The following TNRC18 variants were observed in gnomAD, a reference collection of about 807,000 sequenced individuals.
The protein encoded by TNRC18 is trinucleotide repeat-containing gene 18 protein.
In TNRC18, 69 loss-of-function variants were observed where a neutral mutation model predicts 226.7. That is an observed-to-expected ratio of 0.30 (90% confidence interval 0.25 to 0.37). The LOEUF is 0.37. TNRC18 is among the 10% of genes least tolerant of loss of function. TNRC18 has a pLI of 1.00. For missense variants in TNRC18, 4,754 were observed against 4,256.6 expected (o/e 1.12, Z -3.25); for synonymous variants, 2,449 against 1,927.6 (o/e 1.27, Z -7.09).
At chr7:5,335,805 C>A (rs1474310813) in intron 18 of TNRC18, among the ~76,000 whole-genome samples, 4 of 142,344 alleles carry the variant, frequency 2.8e-5, no homozygotes, top group African/African-American at 1.1e-4. Context: ...AAGGAAATAT[C>A]TGCTAAAACA....
chr7:5,371,788 G>C (rs1794178839), intron 10 of TNRC18, among the ~76,000 whole-genome samples: 1 of 151,606 alleles, frequency 6.6e-6, no homozygotes, highest in Non-Finnish European at 1.5e-5. Flanking sequence ...TCTAACAGCA[G>C]AGCCAGGCGT....
At chr7:5,414,900 G>A (rs1019488653) in intron 2 of TNRC18, among the ~76,000 whole-genome samples, 13 of 152,176 alleles carry the variant, frequency 8.5e-5, no homozygotes, top group African/African-American at 3.1e-4. Context: ...AGATCCAATA[G>A]AGAGCCATAC....
Position 5,309,315 on chromosome 7 carries a change from G to T in TNRC18, c.8442C>A (p.Arg2814=), listed in dbSNP as rs370515181. 23 of 1,613,774 alleles carry T rather than the reference G, an allele frequency of 1.4e-5. No individual in the cohort carries two copies. The South Asian group carries it at 2.4e-4, about 17-fold the overall frequency. Residue 2814 remains arginine (R), a synonymous_variant, in exon 28 of 30, where the codon CGC becomes CGA. Coordinates refer to ENST00000430969, the MANE Select transcript of TNRC18 (RefSeq NM_001080495.3). The surrounding 1 kb of genome is among the most constrained non-coding windows in gnomAD (Gnocchi z 5.7). The stretch of plus-strand genomic sequence containing the variant: ...CCCCGATACGGATCATCTCCTTGCC[G>T]CGCACGATGGCCTTGTAGAAGAGCT... ...ARKLFYKAIV[R]GKEMIRIGDC... is the part of the protein sequence containing the mutation.
chr7:5,329,666 C>T (rs1380898197), intron 19 of TNRC18, among the ~76,000 whole-genome samples: 5 of 107,692 alleles, frequency 4.6e-5, no homozygotes, highest in Admixed American at 1.5e-4. Flanking sequence ...CTGGGCGACA[C>T]AGTGAGACTC....
At chr7:5,408,222 C>G (rs1781605277) in intron 2 of TNRC18, among the ~76,000 whole-genome samples, 1 of 151,542 alleles carries the variant, frequency 6.6e-6, no homozygotes, top group African/African-American at 2.4e-5. Flanking sequence ...TCTCTTGAAC[C>G]CGGGAAGCGG....
At chr7:5,347,853 G>A (rs1216648447) in intron 17 of TNRC18, among the ~76,000 whole-genome samples, 2 of 151,780 alleles carry the variant, frequency 1.3e-5, no homozygotes, top group Non-Finnish European at 2.9e-5. Context: ...TACTCAGGAG[G>A]CTGAGGCAGA....
intron 23 of TNRC18, 28 bp from the exon 24 acceptor site, chr7:5,320,454 T>G (rs1259103627): frequency 6.4e-7 from 1 of 1,563,482 alleles, no homozygotes; most frequent in Non-Finnish European, 8.7e-7. Flanking sequence ...GAGTGCAAGG[T>G]GTGGACACAG....
intron 11 of TNRC18, among the ~76,000 whole-genome samples, chr7:5,366,069 G>A (rs1170990829): frequency 1.3e-5 from 2 of 152,074 alleles, no homozygotes; most frequent in African/African-American, 2.4e-5. Flanking sequence ...AGACAGACAT[G>A]ACTAATGATG....
Position 5,388,494 on chromosome 7 carries a change from C to A in TNRC18, c.1330G>T (p.Ala444Ser). The A allele has an allele frequency of 7.4e-7, 1 of 1,349,950 alleles. No homozygotes were observed. Among genetic ancestry groups the A allele is most frequent in the Admixed American group, 4.1e-5 (1 of 24,492 alleles). 83.6% of individuals were successfully genotyped at this position (1,349,950 alleles called of 1,614,324 possible). The part of the protein sequence containing the change: ...RSLKRPPPAD[A>S]PTVRATRASP... The stretch of plus-strand genomic sequence containing the variant: ...GCGCGTGTGGCCCGCACCGTGGGGG[C>A]ATCCGCGGGGGGCGGCCGCTTGAGC... The change falls in exon 5 of 30, where the codon GCC becomes TCC. Residue 444 changes from alanine (A) to serine (S), a missense_variant. By Grantham distance (99) the Ala-to-Ser change is moderately conservative. Transcript: ENST00000430969.
intron 11 of TNRC18, among the ~76,000 whole-genome samples, chr7:5,366,495 T>A (rs969168275): frequency 2.9e-4 from 44 of 152,030 alleles, no homozygotes; most frequent in Admixed American, 2.9e-3. Flanking sequence ...AGCTAATTTT[T>A]TTATTTTTAG....
Position 5,355,927 on chromosome 7 carries a change from G to A in TNRC18, c.5194+989C>T, listed in dbSNP as rs149942082. Among the ~76,000 whole-genome samples the A allele has an allele frequency of 4.6e-3, 706 of 152,232 alleles. 5 individuals are homozygous for A. The highest frequency in any genetic ancestry group is 0.016 in the African/African-American group (669 of 41,532). ...ACGCCCATAATCCCAGCACTTTGCAGGCCGAGGCAGGTGGATCACCTGAGG... is the reference window on the plus strand; with the variant it reads ...ACGCCCATAATCCCAGCACTTTGCAAGCCGAGGCAGGTGGATCACCTGAGG... On this transcript the variant is annotated intron_variant, in intron 16 of 29. Coordinates refer to ENST00000430969, the MANE Select transcript of TNRC18 (RefSeq NM_001080495.3).
intron 11 of TNRC18, among the ~76,000 whole-genome samples, chr7:5,365,932 C>A (rs1435161102): frequency 1.3e-5 from 2 of 152,098 alleles, no homozygotes; most frequent in East Asian, 1.9e-4. Flanking sequence ...CTAGCCGGGC[C>A]TGGTGGCGCA....
chr7:5,412,421 C>A (rs1781902285), intron 2 of TNRC18, among the ~76,000 whole-genome samples: 1 of 151,800 alleles, frequency 6.6e-6, no homozygotes, highest in South Asian at 2.1e-4. Flanking sequence ...ACTAAAAATA[C>A]AAAATTTAGC....
chr7:5,366,432 T>C (rs2128167365), intron 11 of TNRC18, among the ~76,000 whole-genome samples: 1 of 141,292 alleles, frequency 7.1e-6, no homozygotes, highest in African/African-American at 2.6e-5. Context: ...ATTCAAGCAA[T>C]TCTGCCTCAG....
At chr7:5,391,556 C>T (rs528832585) in intron 3 of TNRC18, among the ~76,000 whole-genome samples, 1 of 152,036 alleles carries the variant, frequency 6.6e-6, no homozygotes, top group South Asian at 2.1e-4. Flanking sequence ...AGTGATCCAC[C>T]CACCTCAGCC....
rs557577326 is a variant in TNRC18, at chr7:5,316,879, A to G, written c.6746-807T>C. Among the ~76,000 whole-genome samples the G allele has an allele frequency of 2.6e-5, 4 of 152,244 alleles. No homozygotes were observed. The South Asian group carries it at 8.3e-4, about 32-fold the overall frequency. ...CAAGGCTCGTGCTGGAGAGGCCCCA[A>G]GCACCTCCAGAGGCAGGGCTGAGGG... On this transcript the variant is annotated intron_variant, in intron 24 of 29. Coordinates refer to ENST00000430969, the MANE Select transcript of TNRC18 (RefSeq NM_001080495.3).
chr7:5,416,049 T>C (rs1468856308), intron 2 of TNRC18, among the ~76,000 whole-genome samples: 1 of 142,718 alleles, frequency 7.0e-6, no homozygotes, highest in Non-Finnish European at 1.5e-5. Flanking sequence ...GAGGTGGAGG[T>C]TGTGGTGAGC....
chr7:5,325,419 T>C (rs553860716), intron 19 of TNRC18, 171 bp from the exon 20 acceptor site: 1 of 596,426 alleles, frequency 1.7e-6, no homozygotes, highest in African/African-American at 2.5e-5. Context: ...TGGTTTTGGG[T>C]TTTTTTTTGT....
rs994666674 is a variant in TNRC18 at position 5,332,745 on chromosome 7, C to A, written c.6024G>T (p.Ser2008=). 1.3e-6 allele frequency: 2 copies of A among 1,521,388 alleles called. No individual in the cohort carries two copies. Among genetic ancestry groups the A allele is most frequent in the Non-Finnish European group, 8.8e-7 (1 of 1,140,054 alleles). The allele number at this position is 1,521,388 out of a possible 1,614,324, so 94.2% of individuals were successfully genotyped here. ...RSERIFLHDA[S]AAAPAPVSTA... ...TGCTGACGGGCGCAGGTGCAGCAGCCGAGGCGTCGTGCAGGAAGATGCGCT... is the reference window on the plus strand; with the variant it reads ...TGCTGACGGGCGCAGGTGCAGCAGCAGAGGCGTCGTGCAGGAAGATGCGCT... The change falls in exon 19 of 30, where the codon TCG becomes TCT. Residue 2008 remains serine (S), a synonymous_variant. Transcript: ENST00000430969.
Sources: allele counts gnomAD v4.1 joint callset (sites outside exome capture counted in the v4.1 genomes callset), GRCh38; gene constraint gnomAD v4.1.1; non-coding constraint Gnocchi (gnomAD v3.1); transcripts MANE v1.5; gene names NCBI Gene and HGNC (gene_info 2026-07-23, HGNC 2026-07-21).